Variants in LIMD1 observed in about 807,000 individuals in gnomAD.
LIMD1 encodes the protein LIM domain containing 1.
Under a neutral mutation model 58.4 loss-of-function variants are expected in LIMD1, and 23 were observed. That is an observed-to-expected ratio of 0.39 (90% confidence interval 0.28 to 0.56). The LOEUF (loss-of-function observed/expected upper bound fraction) is 0.56. Ranked by LOEUF, LIMD1 falls within the 20% of genes least tolerant of loss-of-function variation. The pLI is 0.57. For synonymous variants in LIMD1, 334 were observed against 345.5 expected (o/e 0.97, Z 0.37); for missense variants, 838 against 855.5 (o/e 0.98, Z 0.25).
At chr3:45,674,716 C>T (rs111726671) in intron 7 of LIMD1, 4 of 270,028 alleles carry the variant, frequency 1.5e-5, no homozygotes, top group East Asian at 6.6e-5. Flanking sequence ...GTCCTATCTG[C>T]GGGCCACATT....
At chr3:45,667,649 TAA>T (rs946519531) in intron 3 of LIMD1, among the ~76,000 whole-genome samples, 5 of 151,760 alleles carry the variant, frequency 3.3e-5, no homozygotes, top group African/African-American at 1.2e-4. Flanking sequence ...AGATATTTAT[TAA>T]GTTTCTTTGA....
At chr3:45,637,935 G>A (rs1701805244) in intron 2 of LIMD1, among the ~76,000 whole-genome samples, 1 of 150,972 alleles carries the variant, frequency 6.6e-6, no homozygotes, top group Non-Finnish European at 1.5e-5. Flanking sequence ...TGGAAATCTA[G>A]GAGTGGTCTG....
At chr3:45,618,338 A>G (rs1381780162) in intron 1 of LIMD1, among the ~76,000 whole-genome samples, 4 of 152,192 alleles carry the variant, frequency 2.6e-5, no homozygotes, top group African/African-American at 9.7e-5. Flanking sequence ...TGCTCAGGTC[A>G]AAAGGGTGGC....
At chr3:45,608,271 A>G (rs886756344) in intron 1 of LIMD1, among the ~76,000 whole-genome samples, 1 of 152,050 alleles carries the variant, frequency 6.6e-6, no homozygotes, top group African/African-American at 2.4e-5. Context: ...CCTTGCTTTG[A>G]GCCTCAGAGC....
chr3:45,609,488 A>G (rs1191536863), intron 1 of LIMD1, among the ~76,000 whole-genome samples: 1 of 152,130 alleles, frequency 6.6e-6, no homozygotes, highest in Non-Finnish European at 1.5e-5. Flanking sequence ...GGATACAGGC[A>G]TGTGCCACCG....
chr3:45,670,485 A>C (rs1328543217), intron 4 of LIMD1, among the ~76,000 whole-genome samples: 1 of 152,116 alleles, frequency 6.6e-6, no homozygotes, highest in Admixed American at 6.6e-5. Flanking sequence ...CTCCTACTTA[A>C]CTTTGTTCAG....
intron 1 of LIMD1, among the ~76,000 whole-genome samples, chr3:45,597,051 A>T (rs35044352): frequency 1.3e-5 from 2 of 151,070 alleles, no homozygotes; most frequent in East Asian, 3.9e-4. Flanking sequence ...AAGTAGAGAC[A>T]GGGTTTCACT....
At chr3:45,611,424 T>C (rs1359663765) in intron 1 of LIMD1, among the ~76,000 whole-genome samples, 1 of 152,206 alleles carries the variant, frequency 6.6e-6, no homozygotes, top group Non-Finnish European at 1.5e-5. Flanking sequence ...GAGCCAACTT[T>C]CCAGCGCCTT....
At chr3:45,645,562 G>T (rs6441926) in intron 2 of LIMD1, among the ~76,000 whole-genome samples, 78,044 of 152,078 alleles carry the variant, frequency 0.51, 23,145 homozygotes, top group African/African-American at 0.8. Flanking sequence ...CTTCTCAAGT[G>T]GAAGAGGAGA....
chr3:45,608,105 TTTACA>T (rs1701486071), intron 1 of LIMD1, among the ~76,000 whole-genome samples: 1 of 152,252 alleles, frequency 6.6e-6, no homozygotes, highest in African/African-American at 2.4e-5. Context: ...GACAGTTATC[TTTACA>T]TTAAATGTGG....
intron 5 of LIMD1, among the ~76,000 whole-genome samples, 153 bp downstream of exon 5, chr3:45,672,973 C>T (rs943697269): frequency 6.6e-6 from 1 of 151,850 alleles, no homozygotes; most frequent in Non-Finnish European, 1.5e-5. Flanking sequence ...ACAGCAGGGA[C>T]CTTGGGAGGT....
chr3:45,662,299 G>T (rs1247568393), intron 2 of LIMD1, among the ~76,000 whole-genome samples: 2 of 151,968 alleles, frequency 1.3e-5, no homozygotes, highest in African/African-American at 4.8e-5. Context: ...GTGTGTGTGT[G>T]TGCGCGTGTA....
rs1701327802 is a variant in LIMD1, at chr3:45,594,956, A to G, written c.77A>G (p.Asp26Gly). 1 of 1,613,724 alleles carries G rather than the reference A, an allele frequency of 6.2e-7. No individual in the cohort carries two copies. Residue 26 changes from aspartate to glycine, a missense_variant, in exon 1 of 8, where the codon GAT becomes GGT. Asp to Gly is a moderately conservative substitution (Grantham distance 94). This residue lies in a region of LIMD1 where 659 missense variants were observed against 639.8 expected (regional missense o/e 1.03). Coordinates refer to ENST00000273317, the MANE Select transcript of LIMD1 (RefSeq NM_014240.3). ...CTGAACATGTATGAGGCCTCTAAGG[A>G]TGGGCTCTTCCGAGTGGACAAGGGT... ...EDLNMYEASK[D>G]GLFRVDKGAG...
At chr3:45,660,903 T>C (rs542839425) in intron 2 of LIMD1, among the ~76,000 whole-genome samples, 1 of 152,340 alleles carries the variant, frequency 6.6e-6, no homozygotes, top group Admixed American at 6.5e-5. Context: ...TTTAAGTAAC[T>C]GAAATTAATT....
chr3:45,632,437 C>G (rs1299269900), intron 1 of LIMD1: 2 of 782,516 alleles, frequency 2.6e-6, no homozygotes, highest in Non-Finnish European at 3.1e-6. Flanking sequence ...TGAGGGGATA[C>G]TAAGTGCACT....
chr3:45,654,380 A>G (rs1454867274), intron 2 of LIMD1, among the ~76,000 whole-genome samples: 1 of 152,210 alleles, frequency 6.6e-6, no homozygotes, highest in Non-Finnish European at 1.5e-5. Flanking sequence ...GGGAAGGAAG[A>G]GTGGTGAGTA....
chr3:45,638,952 C>T (rs1041884973), intron 2 of LIMD1, among the ~76,000 whole-genome samples: 1 of 152,228 alleles, frequency 6.6e-6, no homozygotes, highest in African/African-American at 2.4e-5. Flanking sequence ...TTGTAGCTCA[C>T]TGCAGCCTTG....
In LIMD1 at chr3:45,682,816, T is replaced by G. The variant is rs183379693; in HGVS notation, c.*5757T>G. ...GCCACAGGAGGCTGTGAGGAGAAGC[T>G]CACTGCTGCTCTGTTGAAGTCTGTA... On this transcript the variant is annotated 3_prime_UTR_variant, in exon 8 of 8. Coordinates refer to ENST00000273317, the MANE Select transcript of LIMD1 (RefSeq NM_014240.3). The G allele has an allele frequency of 6.6e-6, 1 of 152,382 alleles. No homozygotes were observed. The highest frequency in any genetic ancestry group is 1.5e-5 in the Non-Finnish European group (1 of 68,066). The allele number at this position is 152,382 out of a possible 1,614,324, so 9.4% of individuals were successfully genotyped here. A position where few individuals can be genotyped will look rare whatever the true frequency, so the allele number is the denominator to read the frequency against.
At chr3:45,668,816 G>A (rs1697553317) in intron 4 of LIMD1, among the ~76,000 whole-genome samples, 1 of 151,688 alleles carries the variant, frequency 6.6e-6, no homozygotes, top group African/African-American at 2.4e-5. Context: ...CACATTGTTG[G>A]CTTTTATTGG....
Sources: allele counts gnomAD v4.1 joint callset (sites outside exome capture counted in the v4.1 genomes callset), GRCh38; gene constraint gnomAD v4.1.1; regional missense constraint gnomAD v4.1.1; transcripts MANE v1.5; gene names NCBI Gene and HGNC (gene_info 2026-07-23, HGNC 2026-07-21).